Variants in ROCK2 observed in about 807,000 individuals in gnomAD.
ROCK2 encodes Rho associated coiled-coil containing protein kinase 2, also known as rho-associated protein kinase 2.
A neutral mutation model predicts 195.1 loss-of-function variants in ROCK2; 61 were observed. That is an observed-to-expected ratio of 0.31 (90% CI 0.25 to 0.39). The LOEUF (loss-of-function observed/expected upper bound fraction) is 0.39, where lower values mean the gene tolerates loss of function less well. Among genes scored for constraint, ROCK2 ranks in the 10% least tolerant of loss-of-function variants. The pLI is 1.00. For missense variants in ROCK2, 1,109 were observed against 1,637.4 expected (o/e 0.68, Z 5.57); for synonymous variants, 504 against 545.5 (o/e 0.92, Z 1.06).
In ROCK2 at chr2:11,208,532, A is replaced by G. The variant is rs181423301; in HGVS notation, c.2204-85T>C. On this transcript the variant is annotated intron_variant, in intron 18 of 32. Transcript: ENST00000315872. ...TTTGTAAGTAAAAGCACATTAAATGACACCATACTAATAAAAATTATAATA... is the reference window on the plus strand; with the variant it reads ...TTTGTAAGTAAAAGCACATTAAATGGCACCATACTAATAAAAATTATAATA... 2.3e-4 allele frequency: 138 copies of G among 603,580 alleles called. No homozygotes were observed. In the African/African-American group the frequency reaches 2.3e-3, roughly 10 times the overall value. The allele number at this position is 603,580 out of a possible 1,614,324, so 37.4% of individuals were successfully genotyped here.
Position 11,235,022 on chromosome 2 carries a change from G to T in ROCK2, c.723+680C>A, listed in dbSNP as rs1214403620. Among the ~76,000 whole-genome samples the T allele has an allele frequency of 2.0e-5, 3 of 151,976 alleles. No homozygotes were observed. Among genetic ancestry groups the T allele is most frequent in the East Asian group, 1.9e-4 (1 of 5,202 alleles). The stretch of plus-strand genomic sequence containing the variant: ...CAATATATATTAACATTTATAAGTC[G>T]ACTCCTAGGACCAACAGGGTAATAC... On this transcript the variant is annotated intron_variant, in intron 5 of 32. Coordinates refer to ENST00000315872, the MANE Select transcript of ROCK2 (RefSeq NM_004850.5). This position sits in a 1 kb window ranked among gnomAD's most constrained non-coding sequence, Gnocchi z 4.2.
rs1312494748 is a variant in ROCK2 at position 11,214,548 on chromosome 2, C to G, written c.1937-85G>C. On this transcript the variant is annotated intron_variant, in intron 16 of 32. Coordinates refer to ENST00000315872, the MANE Select transcript of ROCK2 (RefSeq NM_004850.5). Reference sequence around the variant, plus strand: ...GAATAAAAAGTTTGCAAGCCACCTTCTATTTTGGAGCTGTTGTTTGTGAGC... The same window carrying G: ...GAATAAAAAGTTTGCAAGCCACCTTGTATTTTGGAGCTGTTGTTTGTGAGC... 3.8e-6 allele frequency: 3 copies of G among 791,626 alleles called. No homozygotes were observed. In the African/African-American group the frequency reaches 5.2e-5, roughly 14 times the overall value. 49.0% of individuals were successfully genotyped at this position (791,626 alleles called of 1,614,324 possible).
At chr2:11,324,817 A>G (rs1668500090) in intron 1 of ROCK2, among the ~76,000 whole-genome samples, 4 of 152,242 alleles carry the variant, frequency 2.6e-5, no homozygotes, top group Admixed American at 2.6e-4. Flanking sequence ...CCGTAATAGT[A>G]CATCATAAAA....
intron 1 of ROCK2, among the ~76,000 whole-genome samples, chr2:11,317,094 T>C (rs1668217525): frequency 6.6e-6 from 1 of 152,138 alleles, no homozygotes; most frequent in South Asian, 2.1e-4. Flanking sequence ...TATGGTGGTG[T>C]TCAACTTTAC....
At chr2:11,242,219 C>A (rs1388062970) in intron 4 of ROCK2, among the ~76,000 whole-genome samples, 1 of 152,078 alleles carries the variant, frequency 6.6e-6, no homozygotes, top group East Asian at 1.9e-4. Context: ...AAATAAAAGT[C>A]AGAAAGGTAA....
At chr2:11,241,683 T>C (rs756452072) in intron 4 of ROCK2, among the ~76,000 whole-genome samples, 4 of 152,184 alleles carry the variant, frequency 2.6e-5, no homozygotes, top group African/African-American at 2.4e-5. Context: ...TTTGTCAATA[T>C]GTAATGTTGG....
chr2:11,208,369 C>A lies in ROCK2; in HGVS notation c.2282G>T (p.Cys761Phe). The A allele has an allele frequency of 2.6e-6, 4 of 1,551,754 alleles. No individual in the cohort carries two copies. The highest frequency in any genetic ancestry group is 3.5e-6 in the Non-Finnish European group (4 of 1,141,104). ...TTTGAGGTCACAGTCTAATAGAGAACATCTTTTCTCAGCTTCTAGCAATAG... is the reference window on the plus strand; with the variant it reads ...TTTGAGGTCACAGTCTAATAGAGAAAATCTTTTCTCAGCTTCTAGCAATAG... ...ENLLLEAEKRCSLLDCDLKQS... is the reference protein window; with the variant it reads ...ENLLLEAEKRFSLLDCDLKQS... The change falls in exon 19 of 33, where the codon TGT becomes TTT. Residue 761 changes from cysteine to phenylalanine, a missense_variant. Cys to Phe is a radical substitution (Grantham distance 205, BLOSUM62 -2). Transcript: ENST00000315872.
intron 23 of ROCK2, among the ~76,000 whole-genome samples, chr2:11,199,704 C>T (rs1365191403): frequency 6.6e-6 from 1 of 152,100 alleles, no homozygotes; most frequent in Non-Finnish European, 1.5e-5. Context: ...CATTAAATTG[C>T]TGATACAAAT....
chr2:11,283,162 G>C (rs1252653022), intron 3 of ROCK2, among the ~76,000 whole-genome samples: 4 of 151,976 alleles, frequency 2.6e-5, no homozygotes, highest in Non-Finnish European at 4.4e-5. Flanking sequence ...AGCTACTTGG[G>C]AGGCTGAGGC....
rs776937515 is a variant in ROCK2 at position 11,192,755 on chromosome 2, A to ATT, written c.3688-45_3688-44dup. On this transcript the variant is annotated intron_variant, in intron 30 of 32. Transcript: ENST00000315872. This position sits in a 1 kb window ranked among gnomAD's most constrained non-coding sequence, Gnocchi z 5.0. ...ACAATAAGTGATTTCCAAACATGCTATTTTTTTATGTAGGAACAATTCTGA... is the reference window on the plus strand; with the variant it reads ...ACAATAAGTGATTTCCAAACATGCTATTTTTTTTTATGTAGGAACAATTCTGA... The ATT allele has an allele frequency of 1.3e-5, 21 of 1,562,554 alleles. No homozygotes were observed. The highest frequency in any genetic ancestry group is 1.7e-5 in the Non-Finnish European group (20 of 1,156,376).
At chr2:11,319,232 A>G (rs1668324940) in intron 1 of ROCK2, among the ~76,000 whole-genome samples, 1 of 152,238 alleles carries the variant, frequency 6.6e-6, no homozygotes, top group Non-Finnish European at 1.5e-5. Flanking sequence ...CTTCCTATCC[A>G]TAAGCATGGA....
chr2:11,183,051 T>A lies in ROCK2; in HGVS notation c.*386A>T, dbSNP rs1663065478. On this transcript the variant is annotated 3_prime_UTR_variant, in exon 33 of 33. Coordinates refer to ENST00000315872, the MANE Select transcript of ROCK2 (RefSeq NM_004850.5). ...GTCAATATCACTGTAGTGGAATCCA[T>A]TCCCAGATTCTTCTGGTAAATGTGC... 5.9e-6 allele frequency: 1 copy of A among 168,192 alleles called. No homozygotes were observed. Among genetic ancestry groups the A allele is most frequent in the African/African-American group, 2.4e-5 (1 of 41,898 alleles). 10.4% of individuals were successfully genotyped at this position (168,192 alleles called of 1,614,324 possible).
chr2:11,259,262 A>T (rs1053394831), intron 3 of ROCK2, among the ~76,000 whole-genome samples: 1 of 150,466 alleles, frequency 6.6e-6, no homozygotes, highest in Admixed American at 6.6e-5. Flanking sequence ...ATTTAAATGG[A>T]TGACTTTTCC....
At chr2:11,323,872 G>T (rs186323364) in intron 1 of ROCK2, among the ~76,000 whole-genome samples, 1 of 152,050 alleles carries the variant, frequency 6.6e-6, no homozygotes, top group Non-Finnish European at 1.5e-5. Flanking sequence ...TATAGTTACC[G>T]TCAGTATTCA....
intron 1 of ROCK2, among the ~76,000 whole-genome samples, chr2:11,318,595 CTTTAG>C (rs1668301961): frequency 6.6e-6 from 1 of 152,130 alleles, no homozygotes; most frequent in African/African-American, 2.4e-5. Flanking sequence ...TGCAGAAGCT[CTTTAG>C]TTTAATTAGA....
chr2:11,344,668 C>A, upstream of ROCK2: 1 of 163,306 alleles, frequency 6.1e-6, no homozygotes, highest in South Asian at 1.9e-4. The surrounding 1 kb of genome is among the most constrained non-coding windows in gnomAD (Gnocchi z 5.4). Flanking sequence ...CCACAAGCCC[C>A]TCCGCCCGCA....
At chr2:11,198,643 A>G in intron 24 of ROCK2, 38 bp downstream of exon 24, 1 of 1,565,144 alleles carries the variant, frequency 6.4e-7, no homozygotes, top group South Asian at 1.1e-5. Context: ...GATAAACATT[A>G]GGTATATTAA....
chr2:11,219,082 GT>G (rs1664533202), intron 9 of ROCK2, 56 bp from the exon 10 acceptor site: 2 of 947,508 alleles, frequency 2.1e-6, no homozygotes, highest in Non-Finnish European at 3.1e-6. Context: ...TCTATGTGCT[GT>G]TTTATTCAAG....
Position 11,181,594 on chromosome 2 carries a change from G to A in ROCK2, c.*1843C>T, listed in dbSNP as rs1484904676. ...CTAACTGACATCAGAGGGAATCAAT[G>A]AAAAATGTCTATTTCCTTCATCGAA... On this transcript the variant is annotated 3_prime_UTR_variant, in exon 33 of 33. Coordinates refer to ENST00000315872, the MANE Select transcript of ROCK2 (RefSeq NM_004850.5). The A allele has an allele frequency of 2.0e-5, 3 of 149,246 alleles. No homozygotes were observed. Among genetic ancestry groups the A allele is most frequent in the African/African-American group, 2.5e-5 (1 of 40,612 alleles). 9.2% of individuals were successfully genotyped at this position (149,246 alleles called of 1,614,324 possible).
Sources: allele counts gnomAD v4.1 joint callset (sites outside exome capture counted in the v4.1 genomes callset), GRCh38; gene constraint gnomAD v4.1.1; non-coding constraint Gnocchi (gnomAD v3.1); transcripts MANE v1.5; gene names NCBI Gene and HGNC (gene_info 2026-07-23, HGNC 2026-07-21).